SLC6A16: variants seen among roughly 807,000 people sequenced by gnomAD.
SLC6A16 encodes the protein solute carrier family 6 member 16, also known as orphan sodium- and chloride-dependent neurotransmitter transporter NTT5.
Under a neutral mutation model 65.4 loss-of-function variants are expected in SLC6A16, and 54 were observed. The ratio of observed to expected loss-of-function variants is 0.83; its 90% CI spans 0.66 to 1.04. The LOEUF (loss-of-function observed/expected upper bound fraction) is 1.04, where lower values mean the gene tolerates loss of function less well. Among genes scored for constraint, SLC6A16 ranks in the 50% least tolerant of loss-of-function variants. The probability of loss-of-function intolerance (pLI) is 0.00; values close to 1 mark genes in which losing one functional copy is unlikely to be tolerated. For missense variants in SLC6A16, 816 were observed against 914.0 expected (o/e 0.89, Z 1.38); for synonymous variants, 330 against 346.5 (o/e 0.95, Z 0.53).
rs752269225 is a variant in SLC6A16, at chr19:49,293,967, G to A, written c.1478C>T (p.Pro493Leu). The A allele has an allele frequency of 2.0e-5, 32 of 1,613,630 alleles. No homozygotes were observed. Among genetic ancestry groups the A allele is most frequent in the East Asian group, 4.5e-5 (2 of 44,894 alleles). ...SFVEAMSFLPPSVFWSFIFFL... is the reference protein window; with the variant it reads ...SFVEAMSFLPLSVFWSFIFFL... The stretch of plus-strand genomic sequence containing the variant: ...GAAGATAAAAGACCAGAAGACAGAC[G>A]GAGGAAGGAAGGACATGGCTTCAAC... Residue 493 changes from proline to leucine, a missense_variant, in exon 9 of 12, where the codon CCG (proline) becomes CTG (leucine). By Grantham distance (98) the Pro-to-Leu change is moderately conservative. Transcript: ENST00000335875.
At position 49,310,280 on chromosome 19, in the gene SLC6A16, G is replaced by A. The variant is rs925248567; in HGVS notation, c.573+73C>T. Reference sequence around the variant, plus strand: ...TCTGACCCATGGAGGTATTCACAGGGCGCATTTCAGGAGGAGGGTTGGGAT... The same window carrying A: ...TCTGACCCATGGAGGTATTCACAGGACGCATTTCAGGAGGAGGGTTGGGAT... On this transcript the variant is annotated intron_variant, in intron 3 of 11. Transcript: ENST00000335875. 4.4e-6 allele frequency: 7 copies of A among 1,603,292 alleles called. No homozygotes were observed. In the Admixed American group the frequency reaches 1.2e-4, roughly 27 times the overall value.
intron 1 of SLC6A16, among the ~76,000 whole-genome samples, chr19:49,321,334 A>C (rs1240482268): frequency 2.4e-5 from 3 of 123,090 alleles, no homozygotes; most frequent in South Asian, 2.7e-4. Flanking sequence ...AAAAAAAAAA[A>C]AACTCAACAA....
At chr19:49,333,665 C>A in the SLC6A16 span, among the ~76,000 whole-genome samples, 1 of 152,062 alleles carries the variant, frequency 6.6e-6, no homozygotes, top group Non-Finnish European at 1.5e-5. Flanking sequence ...GAGCCCAGAG[C>A]CTGCCTGAGC....
the SLC6A16 span, chr19:49,338,569 T>A: frequency 1.5e-6 from 1 of 668,230 alleles, no homozygotes. This position sits in a 1 kb window ranked among gnomAD's most constrained non-coding sequence, Gnocchi z 5.0. Flanking sequence ...CCCAGCCCAC[T>A]GTCCCCCACT....
intron 1 of SLC6A16, among the ~76,000 whole-genome samples, chr19:49,320,356 C>T (rs1366934677): frequency 6.7e-6 from 1 of 150,088 alleles, no homozygotes; most frequent in Non-Finnish European, 1.5e-5. Flanking sequence ...TGCAGTGAGC[C>T]GAGATCACAC....
the SLC6A16 span, chr19:49,335,344 A>G: frequency 3.3e-6 from 2 of 602,002 alleles, no homozygotes; most frequent in South Asian, 4.0e-5. This position sits in a 1 kb window ranked among gnomAD's most constrained non-coding sequence, Gnocchi z 4.6. Flanking sequence ...AGGGACAGAG[A>G]GAGAGACAGA....
chr19:49,334,028 C>A, the SLC6A16 span, among the ~76,000 whole-genome samples: 1 of 151,998 alleles, frequency 6.6e-6, no homozygotes, highest in Non-Finnish European at 1.5e-5. Context: ...TTGGCACGGC[C>A]CAGCGCCCTC....
At chr19:49,333,387 C>T in the SLC6A16 span, among the ~76,000 whole-genome samples, 6 of 151,994 alleles carry the variant, frequency 3.9e-5, no homozygotes, top group East Asian at 1.2e-3. Context: ...GCAGGAGAAT[C>T]GCTTGAACCC....
intron 1 of SLC6A16, among the ~76,000 whole-genome samples, chr19:49,319,500 T>C (rs990353556): frequency 2.7e-5 from 4 of 150,690 alleles, no homozygotes; most frequent in Admixed American, 6.6e-5. Context: ...CTTATACATA[T>C]ATGTGTATAT....
At chr19:49,338,660 T>C in the SLC6A16 span, 5 of 1,444,668 alleles carry the variant, frequency 3.5e-6, no homozygotes, top group Non-Finnish European at 3.9e-6. The surrounding 1 kb of genome is among the most constrained non-coding windows in gnomAD (Gnocchi z 5.0). Context: ...ACATCATATG[T>C]CTCCAGTCCC....
chr19:49,335,394 C>A, the SLC6A16 span: 1 of 679,920 alleles, frequency 1.5e-6, no homozygotes, highest in South Asian at 1.8e-5. This position sits in a 1 kb window ranked among gnomAD's most constrained non-coding sequence, Gnocchi z 4.6. Flanking sequence ...GGAGCCCCAC[C>A]CCTGGAACTT....
At chr19:49,322,063 T>C (rs1970720389) in intron 1 of SLC6A16, among the ~76,000 whole-genome samples, 1 of 152,210 alleles carries the variant, frequency 6.6e-6, no homozygotes. Context: ...TTTTGCCACT[T>C]TTATTCAACA....
At chr19:49,316,983 G>A (rs1970623324) in intron 1 of SLC6A16, among the ~76,000 whole-genome samples, 1 of 151,924 alleles carries the variant, frequency 6.6e-6, no homozygotes, top group Non-Finnish European at 1.5e-5. Flanking sequence ...GTTGCAGTGG[G>A]CTATGATCAC....
intron 9 of SLC6A16, 112 bp from the exon 10 acceptor site, chr19:49,293,494 G>A (rs1345939221): frequency 1.7e-5 from 17 of 1,021,876 alleles, no homozygotes; most frequent in Non-Finnish European, 2.5e-5. Context: ...GCCGGGCGAG[G>A]GGGCTTACAT....
chr19:49,340,170 A>C, the SLC6A16 span: 2 of 1,495,410 alleles, frequency 1.3e-6, no homozygotes, highest in Non-Finnish European at 1.8e-6. Context: ...CCCACCCCTG[A>C]CCTTTCTCGC....
At chr19:49,316,017 C>G (rs8112626) in intron 1 of SLC6A16, among the ~76,000 whole-genome samples, 9,913 of 152,026 alleles carry the variant, frequency 0.065, 1,050 homozygotes, top group African/African-American at 0.23. Context: ...GATGATATAT[C>G]TATGTGGAAG....
chr19:49,317,018 C>T (rs980015729), intron 1 of SLC6A16, among the ~76,000 whole-genome samples: 1 of 151,818 alleles, frequency 6.6e-6, no homozygotes, highest in Non-Finnish European at 1.5e-5. Flanking sequence ...GCCTGAGCAA[C>T]AGAGTGGGAC....
the SLC6A16 span, chr19:49,338,983 G>A: frequency 1.4e-6 from 2 of 1,446,832 alleles, no homozygotes; most frequent in Admixed American, 1.7e-5. This position sits in a 1 kb window ranked among gnomAD's most constrained non-coding sequence, Gnocchi z 5.0. Flanking sequence ...GGCGGGGCCT[G>A]CGGGAGGGGG....
upstream of SLC6A16, among the ~76,000 whole-genome samples, chr19:49,327,616 T>C (rs1970811998): frequency 6.6e-6 from 1 of 152,134 alleles, no homozygotes; most frequent in African/African-American, 2.4e-5. Context: ...CCCTGGGATA[T>C]AGTTATGAAA....
Sources: gnomAD v4.1 joint callset for allele counts (sites outside exome capture counted in the v4.1 genomes callset) on GRCh38, gnomAD v4.1.1 for gene constraint, Gnocchi (gnomAD v3.1) non-coding constraint, MANE v1.5 for transcripts, NCBI Gene and HGNC (gene_info 2026-07-23, HGNC 2026-07-21) for gene names.